Variants in PLEKHM3 observed in about 807,000 individuals in gnomAD.
The protein encoded by PLEKHM3 is pleckstrin homology domain containing M3.
Under a neutral mutation model 81.8 loss-of-function variants are expected in PLEKHM3, and 45 were observed. The observed-to-expected ratio is 0.55, with a 90% CI of 0.43 to 0.71. The LOEUF is 0.71. Ranked by LOEUF, PLEKHM3 falls within the 30% of genes least tolerant of loss-of-function variation. The pLI, the probability that PLEKHM3 is intolerant of heterozygous loss-of-function variation, is 0.00. For missense variants in PLEKHM3, 788 were observed against 924.3 expected, an observed-to-expected ratio of 0.85 and a Z score of 1.91; for synonymous variants, 352 against 356.4, an observed-to-expected ratio of 0.99 and a Z score of 0.14.
chr2:207,975,859 A>G (rs1691291090), intron 3 of PLEKHM3, among the ~76,000 whole-genome samples: 1 of 150,404 alleles, frequency 6.6e-6, no homozygotes, highest in South Asian at 2.1e-4. Context: ...GGCCTCCCGA[A>G]GTGCTGGGAT....
In PLEKHM3 at chr2:207,941,365, C is replaced by T. The variant is rs1042937514; in HGVS notation, c.1692+5002G>A. Reference sequence around the variant, plus strand: ...CATTTTCAACAAAGCTGCCAAGGACCTACACTGGGGAAAGGACAGTCTCTT... The same window carrying T: ...CATTTTCAACAAAGCTGCCAAGGACTTACACTGGGGAAAGGACAGTCTCTT... On this transcript the variant is annotated intron_variant, in intron 4 of 7. Coordinates refer to ENST00000427836, the MANE Select transcript of PLEKHM3 (RefSeq NM_001080475.3). Among the ~76,000 whole-genome samples the T allele has an allele frequency of 2.0e-5, 3 of 152,168 alleles. No individual in the cohort carries two copies. In the East Asian group the frequency reaches 5.8e-4, roughly 29 times the overall value.
intron 7 of PLEKHM3, among the ~76,000 whole-genome samples, chr2:207,832,628 C>T (rs1397780818): frequency 4.6e-5 from 7 of 151,284 alleles, no homozygotes; most frequent in African/African-American, 1.7e-4. Flanking sequence ...CCCGTCTCTA[C>T]TAAAAATACA....
At chr2:207,955,450 A>ATT (rs1349554011) in intron 3 of PLEKHM3, among the ~76,000 whole-genome samples, 1 of 152,242 alleles carries the variant, frequency 6.6e-6, no homozygotes, top group Non-Finnish European at 1.5e-5. Flanking sequence ...GGATAAACAC[A>ATT]TTATAAGCAA....
chr2:207,904,507 G>A (rs1317740488), intron 6 of PLEKHM3, among the ~76,000 whole-genome samples: 2 of 152,164 alleles, frequency 1.3e-5, no homozygotes, highest in East Asian at 1.9e-4. Context: ...CAATGTGCAA[G>A]TCATACCAGT....
At chr2:207,930,816 C>T (rs1052496894) in intron 5 of PLEKHM3, 110 bp downstream of exon 5, 50 of 1,297,244 alleles carry the variant, frequency 3.9e-5, no homozygotes, top group Non-Finnish European at 5.0e-5. Flanking sequence ...GGGCGAGCCA[C>T]AAAATTAGAG....
chr2:207,976,739 T>C lies in PLEKHM3; in HGVS notation c.1458A>G (p.Lys486=). The C allele has an allele frequency of 1.2e-6, 2 of 1,614,204 alleles. No individual in the cohort carries two copies. Among genetic ancestry groups the C allele is most frequent in the African/African-American group, 2.7e-5 (2 of 75,042 alleles). The part of the protein sequence containing the change: ...QMGGHELRKN[K]RQSVTTSFLS... ...GGAAGCTGGTAGTCACAGATTGGCGTTTGTTCTTCCTGAGTTCATGCCCAC... is the reference window on the plus strand; with the variant it reads ...GGAAGCTGGTAGTCACAGATTGGCGCTTGTTCTTCCTGAGTTCATGCCCAC... Residue 486 remains lysine (K), a synonymous_variant, in exon 3 of 8, where the codon AAA becomes AAG. Coordinates refer to ENST00000427836, the MANE Select transcript of PLEKHM3 (RefSeq NM_001080475.3). The surrounding 1 kb of genome is among the most constrained non-coding windows in gnomAD (Gnocchi z 4.1).
Position 207,875,222 on chromosome 2 carries a change from A to C in PLEKHM3, c.1951-13960T>G, listed in dbSNP as rs73062900. On this transcript the variant is annotated intron_variant, in intron 6 of 7. Transcript: ENST00000427836. The stretch of plus-strand genomic sequence containing the variant: ...CTCTTAAATTAATAAGGAAAAGACC[A>C]ATGTTATAACTTAAACACATGTTAA... 4.8e-3 allele frequency among the ~76,000 whole-genome samples: 728 copies of C among 152,318 alleles called. 8 individuals carry two copies. Among genetic ancestry groups the C allele is most frequent in the African/African-American group, 0.017 (703 of 41,594 alleles).
chr2:207,935,531 T>C (rs1689722487), intron 4 of PLEKHM3, among the ~76,000 whole-genome samples: 1 of 152,216 alleles, frequency 6.6e-6, no homozygotes, highest in African/African-American at 2.4e-5. Flanking sequence ...GCCCTCCTTT[T>C]TGCGTAACAC....
chr2:207,942,886 A>C (rs1375032399), intron 4 of PLEKHM3, among the ~76,000 whole-genome samples: 2 of 152,156 alleles, frequency 1.3e-5, no homozygotes, highest in Non-Finnish European at 2.9e-5. Context: ...GCAACAGAGC[A>C]AGACTCCATC....
chr2:207,962,751 T>C (rs187005830), intron 3 of PLEKHM3, among the ~76,000 whole-genome samples: 16 of 152,200 alleles, frequency 1.1e-4, no homozygotes, highest in African/African-American at 3.4e-4. Flanking sequence ...TATGTGCAAA[T>C]AAACCGTGCA....
At chr2:207,997,225 C>T (rs754903256) in intron 2 of PLEKHM3, among the ~76,000 whole-genome samples, 12 of 152,174 alleles carry the variant, frequency 7.9e-5, no homozygotes, top group Non-Finnish European at 1.5e-4. Context: ...ACCCACAGCC[C>T]TCATTATACC....
At chr2:207,902,789 T>C (rs990725195) in intron 6 of PLEKHM3, among the ~76,000 whole-genome samples, 1 of 151,770 alleles carries the variant, frequency 6.6e-6, no homozygotes, top group African/African-American at 2.4e-5. Context: ...TGTATGAACA[T>C]ATGTACATAT....
intron 5 of PLEKHM3, among the ~76,000 whole-genome samples, chr2:207,916,833 G>A (rs923622197): frequency 2.0e-5 from 3 of 152,102 alleles, no homozygotes; most frequent in African/African-American, 7.2e-5. Context: ...CTGGCTTTTT[G>A]AAAGATCTCT....
At chr2:207,833,958 T>C (rs1421259384) in intron 7 of PLEKHM3, among the ~76,000 whole-genome samples, 1 of 152,192 alleles carries the variant, frequency 6.6e-6, no homozygotes, top group East Asian at 1.9e-4. Context: ...TTGAAACCAC[T>C]AATATTAATA....
chr2:207,927,628 G>A (rs1374439077), intron 5 of PLEKHM3, among the ~76,000 whole-genome samples: 1 of 139,620 alleles, frequency 7.2e-6, no homozygotes, highest in Non-Finnish European at 1.6e-5. Context: ...TCAGGAGTTC[G>A]AGACCAGCCT....
chr2:207,996,268 T>C (rs1039026168), intron 2 of PLEKHM3, among the ~76,000 whole-genome samples: 3 of 152,174 alleles, frequency 2.0e-5, no homozygotes, highest in African/African-American at 7.2e-5. Flanking sequence ...CCTATGTTCA[T>C]TTTTCAGTAT....
At chr2:207,999,685 T>C (rs1046857335) in intron 2 of PLEKHM3, among the ~76,000 whole-genome samples, 2 of 152,220 alleles carry the variant, frequency 1.3e-5, no homozygotes, top group South Asian at 4.1e-4. Flanking sequence ...CTTGGCTAGA[T>C]GTAAGACTGG....
intron 6 of PLEKHM3, among the ~76,000 whole-genome samples, chr2:207,866,536 C>G (rs2092502047): frequency 6.6e-6 from 1 of 152,198 alleles, no homozygotes; most frequent in Non-Finnish European, 1.5e-5. Context: ...GTCCCAGACA[C>G]TCAATGTAGA....
At chr2:207,880,626 G>C (rs2092583569) in intron 6 of PLEKHM3, among the ~76,000 whole-genome samples, 1 of 148,086 alleles carries the variant, frequency 6.8e-6, no homozygotes, top group Non-Finnish European at 1.5e-5. Context: ...AGCCGGGCGT[G>C]TTGGCGGGCG....
Sources: allele counts gnomAD v4.1 joint callset (sites outside exome capture counted in the v4.1 genomes callset), GRCh38; gene constraint gnomAD v4.1.1; non-coding constraint Gnocchi (gnomAD v3.1); transcripts MANE v1.5; gene names NCBI Gene and HGNC (gene_info 2026-07-23, HGNC 2026-07-21).